Variants in GDAP1 observed in about 807,000 individuals in gnomAD.
GDAP1 encodes the protein ganglioside-induced differentiation-associated protein 1.
A neutral mutation model predicts 40.1 loss-of-function variants in GDAP1; 34 were observed. The ratio of observed to expected loss-of-function variants is 0.85; its 90% CI spans 0.64 to 1.13. The LOEUF (loss-of-function observed/expected upper bound fraction) is 1.13, where lower values mean the gene tolerates loss of function less well. GDAP1 is among the 50% of genes most tolerant of loss of function. The pLI is 0.00. For missense variants in GDAP1, 374 were observed against 433.7 expected, an observed-to-expected ratio of 0.86 and a Z score of 1.22; for synonymous variants, 170 against 157.4, an observed-to-expected ratio of 1.08 and a Z score of -0.60.
rs192917825 is a variant in GDAP1 at position 74,435,578 on chromosome 8, C to A, written c.166-53100C>A. On this transcript the variant is annotated intron_variant, in intron 2 of 2. Transcript: ENST00000523640. ...TGAATTTTAAATCATACAACTAAAGCAGGTTGTATTAAAGCAGAAGGATTC... is the reference window on the plus strand; with the variant it reads ...TGAATTTTAAATCATACAACTAAAGAAGGTTGTATTAAAGCAGAAGGATTC... Among the ~76,000 whole-genome samples the A allele has an allele frequency of 2.0e-5, 3 of 152,254 alleles. No individual in the cohort carries two copies. The East Asian group carries it at 5.8e-4, about 29-fold the overall frequency.
intron 2 of GDAP1, among the ~76,000 whole-genome samples, chr8:74,390,986 G>T (rs772820847): frequency 2.6e-5 from 4 of 152,160 alleles, no homozygotes; most frequent in Non-Finnish European, 4.4e-5. Flanking sequence ...ACACTATGAG[G>T]GGAAAACTGC....
chr8:74,426,845 C>T lies in GDAP1; in HGVS notation c.166-61833C>T, dbSNP rs6472852. The stretch of plus-strand genomic sequence containing the variant: ...TAGGAAATACATACAAAATAACTGC[C>T]CCATTATTTTAAGTCTTTTCTGTGT... On this transcript the variant is annotated intron_variant, in intron 2 of 2. Coordinates refer to the GDAP1 transcript ENST00000523640. Among the ~76,000 whole-genome samples the T allele has an allele frequency of 7.4e-4, 112 of 152,000 alleles. 1 individual carries two copies. In the South Asian group the frequency reaches 0.023, roughly 31 times the overall value.
chr8:74,365,792 A>G lies in GDAP1; in HGVS notation c.*1425A>G, dbSNP rs1260491634. Reference sequence around the variant, plus strand: ...TGAACTATATGTTCCCGATTTACAAAAAAATTAATAAAACCTCCAGAGTAA... The same window carrying G: ...TGAACTATATGTTCCCGATTTACAAGAAAATTAATAAAACCTCCAGAGTAA... On this transcript the variant is annotated 3_prime_UTR_variant, in exon 6 of 6. Coordinates refer to ENST00000220822, the MANE Select transcript of GDAP1 (RefSeq NM_018972.4). The G allele has an allele frequency of 2.2e-6, 1 of 453,666 alleles. No individual in the cohort carries two copies. Among genetic ancestry groups the G allele is most frequent in the Non-Finnish European group, 4.4e-6 (1 of 226,638 alleles). 28.1% of individuals were successfully genotyped at this position (453,666 alleles called of 1,614,324 possible).
chr8:74,404,428 A>G (rs1361677032), intron 2 of GDAP1, among the ~76,000 whole-genome samples: 1 of 149,468 alleles, frequency 6.7e-6, no homozygotes, highest in Non-Finnish European at 1.5e-5. Context: ...AGAATCAATC[A>G]TGGCAAAACT....
intron 2 of GDAP1, among the ~76,000 whole-genome samples, chr8:74,470,552 C>T (rs112246240): frequency 0.056 from 8,474 of 152,182 alleles, 361 homozygotes; most frequent in African/African-American, 0.11. Flanking sequence ...TGGTTTCCAG[C>T]TTCATCCATG....
At chr8:74,437,988 A>G (rs2131569487) in intron 2 of GDAP1, among the ~76,000 whole-genome samples, 1 of 152,272 alleles carries the variant, frequency 6.6e-6, no homozygotes, top group South Asian at 2.1e-4. Flanking sequence ...AGGGCTGAGT[A>G]GGCCGGGCAT....
intron 2 of GDAP1, among the ~76,000 whole-genome samples, chr8:74,380,546 A>C (rs1310812127): frequency 6.6e-6 from 1 of 151,146 alleles, no homozygotes; most frequent in African/African-American, 2.4e-5. Flanking sequence ...GTATTTCTCC[A>C]CTTTAAAATT....
At chr8:74,482,026 A>G (rs1563481418) in intron 2 of GDAP1, among the ~76,000 whole-genome samples, 2 of 149,530 alleles carry the variant, frequency 1.3e-5, no homozygotes, top group Admixed American at 6.7e-5. Context: ...ATGAGGTGGA[A>G]TGGGGATAAA....
chr8:74,474,621 C>T (rs891255180), intron 2 of GDAP1, among the ~76,000 whole-genome samples: 1 of 152,138 alleles, frequency 6.6e-6, no homozygotes, highest in Non-Finnish European at 1.5e-5. Context: ...GTTGCACCAA[C>T]CTTGCATCCC....
intron 2 of GDAP1, among the ~76,000 whole-genome samples, chr8:74,438,648 T>A (rs1238955122): frequency 5.9e-5 from 9 of 152,342 alleles, no homozygotes; most frequent in Middle Eastern, 3.4e-3. Flanking sequence ...TCACCTTGGT[T>A]GGAGTGCAGT....
intron 2 of GDAP1, among the ~76,000 whole-genome samples, chr8:74,458,869 G>A (rs1171843016): frequency 6.6e-6 from 1 of 152,154 alleles, no homozygotes; most frequent in East Asian, 1.9e-4. Flanking sequence ...ACCAGGTGGG[G>A]ATTTGAGAGG....
intron 2 of GDAP1, among the ~76,000 whole-genome samples, chr8:74,473,225 C>G (rs1323338888): frequency 6.6e-6 from 1 of 152,036 alleles, no homozygotes; most frequent in Non-Finnish European, 1.5e-5. Flanking sequence ...TTTGCAAATA[C>G]TTTCTCCAAT....
At chr8:74,385,591 G>A (rs1287649371) in intron 2 of GDAP1, among the ~76,000 whole-genome samples, 1 of 152,076 alleles carries the variant, frequency 6.6e-6, no homozygotes, top group Non-Finnish European at 1.5e-5. Flanking sequence ...ATGGACATTT[G>A]GACTGGTTCC....
chr8:74,477,254 A>G (rs1806641813), intron 2 of GDAP1, among the ~76,000 whole-genome samples: 2 of 152,128 alleles, frequency 1.3e-5, no homozygotes, highest in Non-Finnish European at 2.9e-5. Context: ...AGTGATCTTC[A>G]TCCCCAACCA....
At chr8:74,352,635 A>G (rs1808934570) in intron 2 of GDAP1, among the ~76,000 whole-genome samples, 1 of 152,242 alleles carries the variant, frequency 6.6e-6, no homozygotes, top group Non-Finnish European at 1.5e-5. Flanking sequence ...GGCGGTTTTA[A>G]TTAAAGGTAG....
Position 74,411,382 on chromosome 8 carries a change from T to A in GDAP1, c.165+60061T>A, listed in dbSNP as rs562928717. ...GACTCTTGATTCTGTGTAATGCTAT[T>A]AACTTTGCTAGGCAATCTGAATGTT... On this transcript the variant is annotated intron_variant, in intron 2 of 2. Transcript: ENST00000523640. 3.3e-5 allele frequency among the ~76,000 whole-genome samples: 5 copies of A among 149,922 alleles called. No homozygotes were observed. The East Asian group carries it at 9.6e-4, about 29-fold the overall frequency.
chr8:74,466,354 A>G (rs1806469837), intron 2 of GDAP1, among the ~76,000 whole-genome samples: 1 of 152,190 alleles, frequency 6.6e-6, no homozygotes, highest in Admixed American at 6.5e-5. Context: ...ATCTGATTTG[A>G]GTTAGATTTT....
chr8:74,474,749 G>T (rs1417117615), intron 2 of GDAP1, among the ~76,000 whole-genome samples: 2 of 152,068 alleles, frequency 1.3e-5, no homozygotes, highest in Non-Finnish European at 2.9e-5. Context: ...TTGGCCTTCA[G>T]TTTTCTTTTT....
rs1456488293 is a variant in GDAP1, at chr8:74,453,163, G to A, written c.166-35515G>A. On this transcript the variant is annotated intron_variant, in intron 2 of 2. Transcript: ENST00000523640. ...TCATTCAAACTTTGTTTTACCTTTA[G>A]TGAGCAGCAGCTATAACGTAGTGTT... is the stretch of plus-strand genomic sequence containing the variant. Among the ~76,000 whole-genome samples the A allele has an allele frequency of 3.6e-5, 3 of 83,404 alleles. 1 individual carries two copies. The highest frequency in any genetic ancestry group is 1.0e-4 in the African/African-American group (2 of 19,142). The allele number at this position is 83,404 out of a possible 152,430, so 54.7% of individuals were successfully genotyped here.
Sources: allele counts gnomAD v4.1 joint callset (sites outside exome capture counted in the v4.1 genomes callset), GRCh38; gene constraint gnomAD v4.1.1; transcripts MANE v1.5; gene names NCBI Gene and HGNC (gene_info 2026-07-23, HGNC 2026-07-21).